SENP6: variants seen among roughly 807,000 people sequenced by gnomAD.
SENP6 encodes sentrin-specific protease 6.
SENP6 carries 41 observed loss-of-function variants against 134.5 expected under a neutral mutation model. The ratio of observed to expected loss-of-function variants is 0.30; its 90% CI spans 0.24 to 0.40. The LOEUF is 0.40. Ranked by LOEUF, SENP6 falls within the 10% of genes least tolerant of loss-of-function variation. The pLI, the probability that SENP6 is intolerant of heterozygous loss-of-function variation, is 1.00. For missense variants in SENP6, 1,248 were observed against 1,312.5 expected, an observed-to-expected ratio of 0.95 and a Z score of 0.76; for synonymous variants, 395 against 429.8, an observed-to-expected ratio of 0.92 and a Z score of 1.00.
chr6:75,642,918 AG>A (rs1265105097), intron 6 of SENP6, among the ~76,000 whole-genome samples: 3 of 152,178 alleles, frequency 2.0e-5, no homozygotes, highest in Non-Finnish European at 2.9e-5. Flanking sequence ...AGAAAGACAG[AG>A]GTAAAACCAA....
rs181213914 is a variant in SENP6, at chr6:75,717,137, T to C, written c.*1543T>C. The C allele has an allele frequency of 1.3e-5, 2 of 152,126 alleles. No homozygotes were observed. The highest frequency in any genetic ancestry group is 1.3e-4 in the Admixed American group (2 of 15,272). 9.4% of individuals were successfully genotyped at this position (152,126 alleles called of 1,614,324 possible). Reference sequence around the variant, plus strand: ...TGTTAGCTCAGATATCTTAATTAGCTCATATGAAAAACAAGTTTAATTTTA... The same window carrying C: ...TGTTAGCTCAGATATCTTAATTAGCCCATATGAAAAACAAGTTTAATTTTA... On this transcript the variant is annotated 3_prime_UTR_variant, in exon 24 of 24. Transcript: ENST00000447266.
intron 4 of SENP6, 83 bp downstream of exon 4, chr6:75,633,809 C>A: frequency 8.4e-7 from 1 of 1,193,558 alleles, no homozygotes; most frequent in Non-Finnish European, 1.1e-6. Flanking sequence ...ATAGGCCCAA[C>A]CTGTACCTTT....
chr6:75,678,619 C>G lies in SENP6; in HGVS notation c.1885C>G (p.Gln629Glu), dbSNP rs1476927038. The G allele has an allele frequency of 1.3e-6, 2 of 1,595,924 alleles. No homozygotes were observed. Residue 629 changes from glutamine (Q) to glutamate (E), a missense_variant, in exon 15 of 24, where the codon CAA becomes GAA. By Grantham distance (29) the Gln-to-Glu change is conservative. Transcript: ENST00000447266. The stretch of plus-strand genomic sequence containing the variant: ...ATCTAAAATACAACTTAGAAGCAAA[C>G]AAGAATTTCAGTTTTTTGATGAAGA... ...FESKIQLRSK[Q>E]EFQFFDEEEE... is the part of the protein sequence containing the mutation.
At chr6:75,691,075 C>G (rs1192882020) in intron 16 of SENP6, among the ~76,000 whole-genome samples, 1 of 150,278 alleles carries the variant, frequency 6.7e-6, no homozygotes, top group Non-Finnish European at 1.5e-5. Context: ...AATTTCTGGG[C>G]TGAAGCGATC....
intron 16 of SENP6, among the ~76,000 whole-genome samples, chr6:75,692,928 A>G (rs1774384420): frequency 6.6e-6 from 1 of 152,136 alleles, no homozygotes; most frequent in Non-Finnish European, 1.5e-5. Context: ...AAAGTTAGCC[A>G]GGTATGGTGG....
At chr6:75,690,936 G>A (rs1407198694) in intron 16 of SENP6, among the ~76,000 whole-genome samples, 1 of 151,264 alleles carries the variant, frequency 6.6e-6, no homozygotes, top group Non-Finnish European at 1.5e-5. Context: ...GTCCTCAAGT[G>A]ATCCCCCCTG....
chr6:75,632,726 T>C (rs1769206794), intron 3 of SENP6, among the ~76,000 whole-genome samples: 1 of 152,114 alleles, frequency 6.6e-6, no homozygotes, highest in Non-Finnish European at 1.5e-5. Flanking sequence ...GGATTTAAAG[T>C]TTTAGGGACT....
In SENP6 at chr6:75,702,979, A is replaced by C. The variant is rs752144689; in HGVS notation, c.2623A>C (p.Asn875His). ...NHTASENEEF[N>H]KGESTSQKVA... ...TACTGCGAGTGAAAATGAAGAATTC[A>C]ATAAAGGAGAATCTACATCCCAGAA... Residue 875 changes from asparagine to histidine, a missense_variant, in exon 19 of 24, where the codon AAT becomes CAT. Coordinates refer to ENST00000447266, the MANE Select transcript of SENP6 (RefSeq NM_015571.4). 2.5e-6 allele frequency: 4 copies of C among 1,613,970 alleles called. No homozygotes were observed. The highest frequency in any genetic ancestry group is 3.4e-6 in the Non-Finnish European group (4 of 1,179,848).
intron 7 of SENP6, chr6:75,655,052 T>C (rs1232302470): frequency 3.9e-5 from 6 of 152,288 alleles, no homozygotes; most frequent in African/African-American, 1.2e-4. Context: ...GTTTACAGTT[T>C]ATTTTCTTTT....
At position 75,666,053 on chromosome 6, in the gene SENP6, G is replaced by GATATATAAAACGTATATATGAT. The variant is rs1562024167; in HGVS notation, c.995-626_995-605dup. 1.1e-4 allele frequency among the ~76,000 whole-genome samples: 15 copies of GATATATAAAACGTATATATGAT among 141,576 alleles called. No individual in the cohort carries two copies. The South Asian group carries it at 2.2e-3, about 21-fold the overall frequency. The allele number at this position is 141,576 out of a possible 152,430, so 92.9% of individuals were successfully genotyped here. A position where few individuals can be genotyped will look rare whatever the true frequency, so the allele number is the denominator to read the frequency against. The stretch of plus-strand genomic sequence containing the variant: ...ATATATATATATTTTATATATATAT[G>GATATATAAAACGTATATATGAT]ATATATAAAACGTATATATGATATA... On this transcript the variant is annotated intron_variant, in intron 9 of 23. Transcript: ENST00000447266.
intron 1 of SENP6, among the ~76,000 whole-genome samples, chr6:75,618,256 CATTT>C (rs1205654440): frequency 1.3e-5 from 2 of 152,050 alleles, no homozygotes; most frequent in African/African-American, 4.8e-5. Context: ...CCCTTCTTTC[CATTT>C]ATTTATTTAT....
intron 5 of SENP6, 75 bp from the exon 6 acceptor site, chr6:75,640,609 A>G: frequency 1.1e-6 from 1 of 902,968 alleles, no homozygotes; most frequent in East Asian, 2.8e-5. Flanking sequence ...TAATGACTAT[A>G]GTTACTGCAA....
chr6:75,666,890 C>T lies in SENP6; in HGVS notation c.1173C>T (p.Asp391=), dbSNP rs752998536. 8 of 1,610,882 alleles carry T rather than the reference C, an allele frequency of 5.0e-6. No homozygotes were observed. The highest frequency in any genetic ancestry group is 6.8e-6 in the Non-Finnish European group (8 of 1,177,598). ...AERELRSIPE[D]SELNTVTLPR... ...GTGAACTACGAAGCATTCCAGAAGACTCAGAGTTAAATACAGTTACATTGC... is the reference window on the plus strand; with the variant it reads ...GTGAACTACGAAGCATTCCAGAAGATTCAGAGTTAAATACAGTTACATTGC... Residue 391 remains aspartate (D), a synonymous_variant, in exon 10 of 24, where the codon GAC becomes GAT. Coordinates refer to ENST00000447266, the MANE Select transcript of SENP6 (RefSeq NM_015571.4).
chr6:75,639,857 A>G (rs969260009), intron 5 of SENP6, among the ~76,000 whole-genome samples: 29 of 152,314 alleles, frequency 1.9e-4, no homozygotes, highest in African/African-American at 6.7e-4. Context: ...AAAGGAAATA[A>G]TCATACCTGA....
rs146034420 is a variant in SENP6 at position 75,678,807 on chromosome 6, A to G, written c.1959-4A>G. The G allele has an allele frequency of 1.3e-6, 2 of 1,552,698 alleles. No homozygotes were observed. Among genetic ancestry groups the G allele is most frequent in the African/African-American group, 2.7e-5 (2 of 73,564 alleles). ...TATTTGCTTGCCTTCTAATTTTGTT[A>G]CAGGTTGATAGTATATCCACCACCT... On this transcript the variant is annotated splice_region_variant and splice_polypyrimidine_tract_variant and intron_variant, in intron 15 of 23. Coordinates refer to ENST00000447266, the MANE Select transcript of SENP6 (RefSeq NM_015571.4).
At chr6:75,705,943 T>TTTTTTTTTTTTTTTTTTTTTTTG (rs1775377117) in intron 19 of SENP6, among the ~76,000 whole-genome samples, 1 of 134,120 alleles carries the variant, frequency 7.5e-6, no homozygotes, top group African/African-American at 2.7e-5. Context: ...TTTTTTTTTT[T>TTTTTTTTTTTTTTTTTTTTTTTG]TTTTTTTTTT....
intron 11 of SENP6, among the ~76,000 whole-genome samples, chr6:75,671,599 G>A (rs1003005913): frequency 3.3e-5 from 5 of 152,154 alleles, no homozygotes; most frequent in Admixed American, 1.3e-4. Flanking sequence ...GCATGTGCCT[G>A]TAGTCCCAGC....
At chr6:75,704,150 T>C (rs959782482) in intron 19 of SENP6, among the ~76,000 whole-genome samples, 2 of 152,052 alleles carry the variant, frequency 1.3e-5, no homozygotes, top group African/African-American at 4.8e-5. Context: ...GAGAAAGAAA[T>C]AAGACACAGA....
chr6:75,646,253 C>T (rs1770427638), intron 6 of SENP6, among the ~76,000 whole-genome samples: 1 of 152,172 alleles, frequency 6.6e-6, no homozygotes, highest in Non-Finnish European at 1.5e-5. Context: ...GGCAAATTCT[C>T]ATTTTCATAA....
Sources: allele counts gnomAD v4.1 joint callset (sites outside exome capture counted in the v4.1 genomes callset), GRCh38; gene constraint gnomAD v4.1.1; transcripts MANE v1.5; gene names NCBI Gene and HGNC (gene_info 2026-07-23, HGNC 2026-07-21).